SLC28A1: variants seen among roughly 807,000 people sequenced by gnomAD.
The protein encoded by SLC28A1 is sodium/nucleoside cotransporter 1.
SLC28A1 carries 64 observed loss-of-function variants against 74.8 expected under a neutral mutation model. The ratio of observed to expected loss-of-function variants is 0.86; its 90% CI spans 0.70 to 1.05. The LOEUF (loss-of-function observed/expected upper bound fraction) is 1.05, where lower values mean the gene tolerates loss of function less well. Ranked by LOEUF, SLC28A1 falls within the 50% of genes least tolerant of loss-of-function variation. The probability of loss-of-function intolerance (pLI) is 0.00; values close to 1 mark genes in which losing one functional copy is unlikely to be tolerated. For synonymous variants in SLC28A1, 359 were observed against 335.0 expected (o/e 1.07, Z -0.78); for missense variants, 828 against 822.8 (o/e 1.01, Z -0.08).
At chr15:84,896,694 C>G (rs1966037734) in intron 6 of SLC28A1, among the ~76,000 whole-genome samples, 1 of 152,128 alleles carries the variant, frequency 6.6e-6, no homozygotes, top group South Asian at 2.1e-4. Context: ...CGCCTGTAAT[C>G]CCAGCTACTC....
chr15:84,966,327 A>G, the SLC28A1 span, among the ~76,000 whole-genome samples: 1 of 152,006 alleles, frequency 6.6e-6, no homozygotes, highest in Non-Finnish European at 1.5e-5. Flanking sequence ...TCAGCCTCCC[A>G]AAGTGCTGGG....
chr15:84,953,313 C>T, the SLC28A1 span, among the ~76,000 whole-genome samples: 4 of 152,208 alleles, frequency 2.6e-5, no homozygotes, highest in African/African-American at 9.6e-5. Context: ...TTCCGTAACT[C>T]GGTGAATCAT....
chr15:84,946,104 A>ATTTTT (rs2079209924), downstream of SLC28A1, among the ~76,000 whole-genome samples: 1 of 12,736 alleles, frequency 7.9e-5, no homozygotes, highest in African/African-American at 2.5e-4. Context: ...ATATATATAT[A>ATTTTT]TATATATATT....
Position 84,933,190 on chromosome 15 carries a change from T to C in SLC28A1, c.1129T>C (p.Cys377Arg). ...LIAASVMAAP[C>R]ALALSKLVYP... is the part of the protein sequence containing the mutation. ...TGCAGCCTCTGTGATGGCTGCCCCTTGTGCCTTGGCCCTCTCCAAGCTGGT... is the reference window on the plus strand; with the variant it reads ...TGCAGCCTCTGTGATGGCTGCCCCTCGTGCCTTGGCCCTCTCCAAGCTGGT... The change falls in exon 13 of 19, where the codon TGT (cysteine) becomes CGT (arginine). Residue 377 changes from cysteine (C) to arginine (R), a missense_variant. Coordinates refer to ENST00000394573, the MANE Select transcript of SLC28A1 (RefSeq NM_004213.5). The C allele has an allele frequency of 1.2e-6, 2 of 1,613,800 alleles. No individual in the cohort carries two copies. The highest frequency in any genetic ancestry group is 1.7e-6 in the Non-Finnish European group (2 of 1,179,844).
chr15:84,917,640 T>C (rs1969306220), intron 9 of SLC28A1, among the ~76,000 whole-genome samples: 1 of 152,182 alleles, frequency 6.6e-6, no homozygotes. Context: ...ACCTTCTCTT[T>C]TTTCATTTAA....
chr15:84,918,732 C>T (rs547814075), intron 10 of SLC28A1, 128 bp downstream of exon 10: 3 of 776,270 alleles, frequency 3.9e-6, no homozygotes, highest in South Asian at 2.7e-5. Flanking sequence ...AGCCCACACC[C>T]TTCCAGAGTC....
chr15:84,944,825 G>A lies in SLC28A1; in HGVS notation c.1832G>A (p.Ser611Asn), dbSNP rs544273252. 6.2e-7 allele frequency: 1 copy of A among 1,614,094 alleles called. No individual in the cohort carries two copies. Among genetic ancestry groups the A allele is most frequent in the South Asian group, 1.1e-5 (1 of 91,088 alleles). The stretch of plus-strand genomic sequence containing the variant: ...CTCTTGAACACGACCCTCAGCAGCA[G>A]TAGCTTTGAGATTTACCAGTGCTGC... ...MSLLNTTLSS[S>N]SFEIYQCCRE... Residue 611 changes from serine (S) to asparagine (N), a missense_variant, in exon 18 of 19, where the codon AGT (serine) becomes AAT (asparagine). Ser to Asn is a conservative substitution (Grantham distance 46). Transcript: ENST00000394573.
chr15:84,946,739 C>T (rs2079246277), downstream of SLC28A1, among the ~76,000 whole-genome samples: 1 of 152,130 alleles, frequency 6.6e-6, no homozygotes, highest in East Asian at 1.9e-4. Context: ...CCTTTCCTCC[C>T]CACCCCAAGC....
the SLC28A1 span, among the ~76,000 whole-genome samples, chr15:84,954,830 C>T: frequency 6.6e-6 from 1 of 152,168 alleles, no homozygotes; most frequent in Non-Finnish European, 1.5e-5. Flanking sequence ...TTTTCTAACA[C>T]TCCTCCCATG....
At chr15:84,897,730 T>G (rs565667837) in intron 6 of SLC28A1, among the ~76,000 whole-genome samples, 5 of 152,318 alleles carry the variant, frequency 3.3e-5, no homozygotes, top group Non-Finnish European at 7.3e-5. Flanking sequence ...TAGGTCTTAT[T>G]TCTTCTCTCA....
intron 7 of SLC28A1, among the ~76,000 whole-genome samples, chr15:84,905,292 C>T (rs974953587): frequency 4.6e-5 from 7 of 152,148 alleles, no homozygotes; most frequent in Admixed American, 2.6e-4. Context: ...AAGGCTGGTC[C>T]GGTTTCACCT....
In SLC28A1 at chr15:84,890,493, T is replaced by C. The variant is rs1965245545; in HGVS notation, c.236T>C (p.Met79Thr). The change falls in exon 5 of 19, where the codon ATG (methionine) becomes ACG (threonine). Residue 79 changes from methionine (M) to threonine (T), a missense_variant. Physicochemically the swap from Met to Thr is moderately conservative, Grantham distance 81. Transcript: ENST00000394573. ...LRARSFCREHMQLFRWIGTGL... is the reference protein window; with the variant it reads ...LRARSFCREHTQLFRWIGTGL... ...GCCAGAAGCTTCTGCAGGGAGCACA[T>C]GCAGCTGTTTCGATGGATCGGCACA... 6.2e-7 allele frequency: 1 copy of C among 1,611,484 alleles called. No homozygotes were observed. The highest frequency in any genetic ancestry group is 2.0e-4 in the Middle Eastern group (1 of 4,886).
At chr15:84,907,420 A>T (rs937747878) in intron 8 of SLC28A1, among the ~76,000 whole-genome samples, 1 of 152,186 alleles carries the variant, frequency 6.6e-6, no homozygotes, top group Non-Finnish European at 1.5e-5. Context: ...CCTGGGCTCA[A>T]GTAATCTGCC....
At chr15:84,954,381 A>G in the SLC28A1 span, among the ~76,000 whole-genome samples, 1 of 152,234 alleles carries the variant, frequency 6.6e-6, no homozygotes, top group Non-Finnish European at 1.5e-5. Flanking sequence ...TAAAGATTTC[A>G]AATGATAGCA....
At chr15:84,929,272 C>T (rs1329906255) in intron 12 of SLC28A1, among the ~76,000 whole-genome samples, 2 of 152,080 alleles carry the variant, frequency 1.3e-5, no homozygotes, top group African/African-American at 4.8e-5. Context: ...TGGCCGGGCG[C>T]GGTGGCTCAC....
At position 84,945,124 on chromosome 15, in the gene SLC28A1, G is replaced by C; in HGVS notation, c.1875-1G>C. 6.2e-7 allele frequency: 1 copy of C among 1,614,036 alleles called. No homozygotes were observed. Among genetic ancestry groups the C allele is most frequent in the African/African-American group, 1.3e-5 (1 of 75,002 alleles). ...CACTGCGATCTTTGCTTTCTTTTTA[G>C]CGTCAATCCAGAGTTCAGCCCAGAG... On this transcript the variant is annotated splice_acceptor_variant, in intron 18 of 18. Coordinates refer to ENST00000394573, the MANE Select transcript of SLC28A1 (RefSeq NM_004213.5). LOFTEE classifies it high-confidence loss of function.
rs368986902 is a variant in SLC28A1 at position 84,944,969 on chromosome 15, G to A, written c.1874+102G>A. 60 of 1,085,684 alleles carry A rather than the reference G, an allele frequency of 5.5e-5. No individual in the cohort carries two copies. In the East Asian group the frequency reaches 9.8e-4, roughly 18 times the overall value. 67.3% of individuals were successfully genotyped at this position (1,085,684 alleles called of 1,614,324 possible). A position where few individuals can be genotyped will look rare whatever the true frequency, so the allele number is the denominator to read the frequency against. ...TTGGTACCAGGGTGAGGGTAGAAAT[G>A]TTACGGCTGCAGCTAATGGGGAGGT... is the stretch of plus-strand genomic sequence containing the variant. On this transcript the variant is annotated intron_variant, in intron 18 of 18. Coordinates refer to ENST00000394573, the MANE Select transcript of SLC28A1 (RefSeq NM_004213.5).
chr15:84,964,323 G>C, the SLC28A1 span, among the ~76,000 whole-genome samples: 1 of 151,948 alleles, frequency 6.6e-6, no homozygotes, highest in Non-Finnish European at 1.5e-5. Context: ...AGAGAAACAG[G>C]GAAGGAGGCA....
intron 8 of SLC28A1, 95 bp from the exon 9 acceptor site, chr15:84,908,623 C>T: frequency 1.9e-6 from 2 of 1,077,226 alleles, no homozygotes; most frequent in Admixed American, 1.9e-5. Context: ...GGACTACGTC[C>T]CTGGGCCAAC....
Sources: gnomAD v4.1 joint callset for allele counts (sites outside exome capture counted in the v4.1 genomes callset) on GRCh38, gnomAD v4.1.1 for gene constraint, MANE v1.5 for transcripts, NCBI Gene and HGNC (gene_info 2026-07-23, HGNC 2026-07-21) for gene names.